The following MYO1H variants were observed in gnomAD, a reference collection of about 807,000 sequenced individuals.
MYO1H encodes the protein unconventional myosin-Ih.
MYO1H carries 118 observed loss-of-function variants against 149.3 expected under a neutral mutation model. The ratio of observed to expected loss-of-function variants is 0.79; its 90% CI spans 0.68 to 0.92. The LOEUF (loss-of-function observed/expected upper bound fraction) is 0.92. Ranked by LOEUF, MYO1H falls within the 40% of genes least tolerant of loss-of-function variation. The probability of loss-of-function intolerance (pLI) is 0.00; values close to 1 mark genes in which losing one functional copy is unlikely to be tolerated. For synonymous variants in MYO1H, 447 were observed against 465.2 expected (o/e 0.96, Z 0.50); for missense variants, 1,212 against 1,280.7 (o/e 0.95, Z 0.82).
chr12:109,353,876 A>G (rs1301773575), intron 1 of MYO1H, among the ~76,000 whole-genome samples: 1 of 152,104 alleles, frequency 6.6e-6, no homozygotes, highest in Non-Finnish European at 1.5e-5. Flanking sequence ...CTGGTCTCTC[A>G]AAACTCCTGA....
intron 1 of MYO1H, among the ~76,000 whole-genome samples, chr12:109,354,898 C>G (rs1053115080): frequency 2.0e-5 from 3 of 152,134 alleles, no homozygotes; most frequent in African/African-American, 7.2e-5. Context: ...GAGATTAGAC[C>G]TTTTTGGCCC....
intron 1 of MYO1H, among the ~76,000 whole-genome samples, chr12:109,375,903 C>T (rs1239860748): frequency 1.3e-5 from 2 of 152,070 alleles, no homozygotes; most frequent in African/African-American, 4.8e-5. Flanking sequence ...CATTTGAGCC[C>T]AGAAGTTTGA....
chr12:109,352,914 C>G (rs781782188), intron 1 of MYO1H, among the ~76,000 whole-genome samples: 3 of 140,760 alleles, frequency 2.1e-5, no homozygotes, highest in Non-Finnish European at 4.6e-5. Flanking sequence ...AAGGTATATA[C>G]CTGTGTGACC....
At position 109,349,189 on chromosome 12, in the gene MYO1H, G is replaced by A. The variant is rs544482611; in HGVS notation, c.12+1217G>A. On this transcript the variant is annotated intron_variant, in intron 1 of 31. Transcript: ENST00000310903. Reference sequence around the variant, plus strand: ...AACAGATAGGTCTGTCCTCAAGGTCGCATGTGCCTTTTTTTAAATTGTCAT... The same window carrying A: ...AACAGATAGGTCTGTCCTCAAGGTCACATGTGCCTTTTTTTAAATTGTCAT... 2.0e-4 allele frequency among the ~76,000 whole-genome samples: 30 copies of A among 152,302 alleles called. 1 individual carries two copies. The highest frequency in any genetic ancestry group is 6.0e-4 in the African/African-American group (25 of 41,574).
intron 6 of MYO1H, among the ~76,000 whole-genome samples, chr12:109,402,664 A>G (rs954544628): frequency 2.6e-5 from 4 of 152,230 alleles, no homozygotes; most frequent in African/African-American, 9.6e-5. Context: ...AAAGAATCTC[A>G]TAATCTAATT....
intron 1 of MYO1H, among the ~76,000 whole-genome samples, chr12:109,359,841 A>G (rs182610858): frequency 1.2e-3 from 186 of 152,324 alleles, no homozygotes; most frequent in African/African-American, 4.3e-3. Context: ...TGGCAAACTA[A>G]TGTTTTTCAA....
At chr12:109,403,325 G>A (rs573421096) in intron 6 of MYO1H, among the ~76,000 whole-genome samples, 3 of 152,280 alleles carry the variant, frequency 2.0e-5, no homozygotes, top group Admixed American at 2.0e-4. Flanking sequence ...CCCATGCAAT[G>A]AAGAAATCTT....
At chr12:109,354,777 T>G (rs1382976895) in intron 1 of MYO1H, among the ~76,000 whole-genome samples, 3 of 152,202 alleles carry the variant, frequency 2.0e-5, no homozygotes, top group African/African-American at 7.2e-5. Context: ...TTTTGCTTTT[T>G]ATTTAAAAAT....
intron 3 of MYO1H, among the ~76,000 whole-genome samples, chr12:109,394,934 G>C (rs554063772): frequency 6.6e-6 from 1 of 152,146 alleles, no homozygotes; most frequent in Non-Finnish European, 1.5e-5. Context: ...GCTAATTTTT[G>C]TAATTTTTAT....
chr12:109,354,606 C>T (rs565309166), intron 1 of MYO1H, among the ~76,000 whole-genome samples: 9 of 118,092 alleles, frequency 7.6e-5, no homozygotes, highest in South Asian at 2.7e-4. Context: ...GGTGACAGAG[C>T]GAGACTCTGT....
At chr12:109,441,691 T>G in exon 26 of MYO1H, 1 of 1,611,908 alleles carries the variant, frequency 6.2e-7, no homozygotes, top group Non-Finnish European at 8.5e-7. Flanking sequence ...AATCAACCCT[T>G]TGTCAACAGT....
At chr12:109,400,975 GAA>G in intron 5 of MYO1H, 116 bp from the exon 6 acceptor site, 1 of 888,930 alleles carries the variant, frequency 1.1e-6, no homozygotes, top group Non-Finnish European at 1.7e-6. Context: ...CCAAAAAAAA[GAA>G]AGAAGATTGA....
At chr12:109,317,781 G>A in the MYO1H span, among the ~76,000 whole-genome samples, 1 of 152,186 alleles carries the variant, frequency 6.6e-6, no homozygotes, top group African/African-American at 2.4e-5. Flanking sequence ...ATTAATGACA[G>A]TGTCCTCTCT....
At chr12:109,318,884 T>C in the MYO1H span, among the ~76,000 whole-genome samples, 1 of 150,956 alleles carries the variant, frequency 6.6e-6, no homozygotes, top group South Asian at 2.1e-4. Context: ...GTGAGAAATG[T>C]ACCATGGTAA....
exon 32 of MYO1H, chr12:109,447,989 GTATAA>G (rs1872559793): frequency 6.6e-6 from 1 of 152,234 alleles, no homozygotes; most frequent in Non-Finnish European, 1.5e-5. Context: ...GAGGGGCTCC[GTATAA>G]TCTCACCTTT....
chr12:109,421,035 T>G lies in MYO1H; in HGVS notation c.1644+8T>G, dbSNP rs796995870. On this transcript the variant is annotated splice_region_variant and intron_variant, in intron 16 of 31. Transcript: ENST00000310903. ...TACAGACATCTGAAAGAAGTAAGTC[T>G]GACACTTAACTGTATGTGTTTCTGA... The G allele has an allele frequency of 1.3e-6, 2 of 1,543,040 alleles. No homozygotes were observed. Among genetic ancestry groups the G allele is most frequent in the Admixed American group, 1.7e-5 (1 of 58,748 alleles).
At chr12:109,348,573 T>C in intron 1 of MYO1H, among the ~76,000 whole-genome samples, 1 of 152,230 alleles carries the variant, frequency 6.6e-6, no homozygotes, top group East Asian at 1.9e-4. Context: ...TCCCAGGTAA[T>C]GATCATTTTA....
chr12:109,441,827 G>T (rs190018557), intron 26 of MYO1H, 119 bp downstream of exon 26: 7,467 of 652,996 alleles, frequency 0.011, 115 homozygotes, highest in Non-Finnish European at 0.014. Flanking sequence ...TGGGCGGATT[G>T]CCTGAGCTCA....
intron 22 of MYO1H, among the ~76,000 whole-genome samples, chr12:109,437,348 C>T (rs917549313): frequency 1.3e-5 from 2 of 152,088 alleles, no homozygotes; most frequent in South Asian, 2.1e-4. Flanking sequence ...ATGTTTTAAA[C>T]TTAACTATAC....
Sources: gnomAD v4.1 joint callset for allele counts (sites outside exome capture counted in the v4.1 genomes callset) on GRCh38, gnomAD v4.1.1 for gene constraint, MANE v1.5 for transcripts, NCBI Gene and HGNC (gene_info 2026-07-23, HGNC 2026-07-21) for gene names.